The following PRAME variants were observed in gnomAD, a reference collection of about 807,000 sequenced individuals.
PRAME encodes melanoma antigen preferentially expressed in tumors.
A neutral mutation model predicts 32.1 loss-of-function variants in PRAME; 21 were observed. The ratio of observed to expected loss-of-function variants is 0.65; its 90% confidence interval spans 0.46 to 0.94. The LOEUF is 0.94. PRAME is among the 40% of genes least tolerant of loss of function. The pLI is 0.00. For synonymous variants in PRAME, 274 were observed against 251.5 expected, an observed-to-expected ratio of 1.09 and a Z score of -0.85; for missense variants, 651 against 622.3, an observed-to-expected ratio of 1.05 and a Z score of -0.49.
At chr22:22,555,110 T>G (rs747573898) in intron 3 of PRAME, among the ~76,000 whole-genome samples, 1 of 151,942 alleles carries the variant, frequency 6.6e-6, no homozygotes, top group Non-Finnish European at 1.5e-5. Context: ...CAGACATGAA[T>G]TGGGGAGATA....
At chr22:22,557,265 C>T in intron 2 of PRAME, 1 of 239,698 alleles carries the variant, frequency 4.2e-6, no homozygotes, top group South Asian at 6.2e-5. Context: ...GGGGCCGAGT[C>T]CCAGAGCATC....
chr22:22,549,582 C>T (rs534819613), intron 5 of PRAME, 144 bp downstream of exon 5: 1 of 1,066,098 alleles, frequency 9.4e-7, no homozygotes, highest in African/African-American at 1.6e-5. Flanking sequence ...TGCTTGGGGA[C>T]AGTGGTGAAC....
Position 22,547,900 on chromosome 22 carries a change from T to A in PRAME, c.*167A>T, listed in dbSNP as rs184094516. ...GCCTACCCCCAACTTCCCCTTTTTT[T>A]CCTCACTGAACATTTGTCTGAATGT... On this transcript the variant is annotated 3_prime_UTR_variant, in exon 6 of 6. Coordinates refer to ENST00000405655, the MANE Select transcript of PRAME (RefSeq NM_206956.3). 6 of 773,260 alleles carry A rather than the reference T, an allele frequency of 7.8e-6. No individual in the cohort carries two copies. Among genetic ancestry groups the A allele is most frequent in the African/African-American group, 5.2e-5 (3 of 57,806 alleles). 47.9% of individuals were successfully genotyped at this position (773,260 alleles called of 1,614,324 possible).
chr22:22,552,552 A>C (rs555390125), intron 3 of PRAME, among the ~76,000 whole-genome samples: 2 of 151,980 alleles, frequency 1.3e-5, no homozygotes, highest in Non-Finnish European at 1.5e-5. Flanking sequence ...CATACTATAT[A>C]TGCATAAACT....
chr22:22,552,753 A>C, intron 3 of PRAME: 2 of 454,096 alleles, frequency 4.4e-6, no homozygotes, highest in South Asian at 3.2e-5. Flanking sequence ...GCCCGTGGAG[A>C]CCCTGAGGTG....
At chr22:22,548,817 T>A (rs1404535981) in intron 5 of PRAME, among the ~76,000 whole-genome samples, 174 bp from the exon 6 acceptor site, 1 of 151,770 alleles carries the variant, frequency 6.6e-6, no homozygotes, top group Non-Finnish European at 1.5e-5. Flanking sequence ...CCTTTCTCCA[T>A]CATTTGCTGT....
rs779792657 is a variant in PRAME, at chr22:22,550,943, G to A, written c.168C>T (p.Leu56=). ...ELLPRELFPP[L]FMAAFDGRHS... ...GTCTCCCGTCAAAGGCTGCCATGAAGAGTGGCGGGAAGAGCTCCCTGGGCA... is the reference window on the plus strand; with the variant it reads ...GTCTCCCGTCAAAGGCTGCCATGAAAAGTGGCGGGAAGAGCTCCCTGGGCA... Residue 56 remains leucine, a synonymous_variant, in exon 4 of 6, where the codon CTC becomes CTT. Transcript: ENST00000405655. 2 of 1,613,566 alleles carry A rather than the reference G, an allele frequency of 1.2e-6. No homozygotes were observed. Among genetic ancestry groups the A allele is most frequent in the Non-Finnish European group, 1.7e-6 (2 of 1,179,948 alleles).
intron 3 of PRAME, 35 bp downstream of exon 3, chr22:22,556,777 C>T (rs1016978687): frequency 6.2e-7 from 1 of 1,612,396 alleles, no homozygotes. Flanking sequence ...CAGGGCTTCT[C>T]TGAGCACCTC....
intron 1 of PRAME, among the ~76,000 whole-genome samples, chr22:22,558,616 C>T (rs1419694141): frequency 1.5e-5 from 2 of 136,880 alleles, no homozygotes; most frequent in African/African-American, 5.5e-5. Flanking sequence ...GCGGCCTTTC[C>T]CACCAGACAG....
At chr22:22,551,246 G>A (rs994424347) in intron 3 of PRAME, among the ~76,000 whole-genome samples, 157 bp from the exon 4 acceptor site, 6 of 151,854 alleles carry the variant, frequency 4.0e-5, no homozygotes, top group African/African-American at 7.3e-5. Context: ...CTCTGCACTC[G>A]GTGGCCACAA....
In PRAME at chr22:22,548,540, C is replaced by T; in HGVS notation, c.1057G>A (p.Val353Ile). The change falls in exon 6 of 6, where the codon GTC (valine) becomes ATC (isoleucine). Residue 353 changes from valine (V) to isoleucine (I), a missense_variant. Physicochemically the swap from Val to Ile is conservative, Grantham distance 29. Coordinates refer to ENST00000405655, the MANE Select transcript of PRAME (RefSeq NM_206956.3). ...SQSPSVSQLS[V>I]LSLSGVMLTD... ...AGCATGACCCCACTTAGACTCAGGACACTTAGCTGACTGACGCTGGGACTC... is the reference window on the plus strand; with the variant it reads ...AGCATGACCCCACTTAGACTCAGGATACTTAGCTGACTGACGCTGGGACTC... 1.2e-6 allele frequency: 2 copies of T among 1,613,670 alleles called. No individual in the cohort carries two copies. Among genetic ancestry groups the T allele is most frequent in the South Asian group, 2.2e-5 (2 of 91,064 alleles).
chr22:22,552,826 C>T, intron 3 of PRAME: 1 of 470,752 alleles, frequency 2.1e-6, no homozygotes, highest in South Asian at 1.5e-5. Flanking sequence ...AGCTGTGGTG[C>T]AGAAGCCATC....
rs562188565 is a variant in PRAME, at chr22:22,556,957, T to C, written c.-77-48A>G. 37 of 1,259,712 alleles carry C rather than the reference T, an allele frequency of 2.9e-5. No homozygotes were observed. The African/African-American group carries it at 4.6e-4, about 16-fold the overall frequency. 78.0% of individuals were successfully genotyped at this position (1,259,712 alleles called of 1,614,324 possible). On this transcript the variant is annotated intron_variant, in intron 2 of 5. Transcript: ENST00000405655. ...TCCAAAAAGAAGAATACATGTATAA[T>C]ATTTACGAAGCAACGGCCTCCTGTG... is the stretch of plus-strand genomic sequence containing the variant.
chr22:22,552,710 A>G, intron 3 of PRAME: 1 of 310,902 alleles, frequency 3.2e-6, no homozygotes. Context: ...GGAAAGAAAA[A>G]GGAAAACCAT....
rs2062487444 is a variant in PRAME, at chr22:22,550,258, C to T, written c.421G>A (p.Ala141Thr). 7.4e-6 allele frequency: 12 copies of T among 1,613,768 alleles called. No individual in the cohort carries two copies. The highest frequency in any genetic ancestry group is 1.0e-5 in the Non-Finnish European group (12 of 1,179,958). Residue 141 changes from alanine (A) to threonine (T), a missense_variant, in exon 5 of 6, where the codon GCC (alanine) becomes ACC (threonine). Transcript: ENST00000405655. ...GGCTCTGGAAATGAGTACAGACTGG[C>T]CCTGTTTCCAGACCATACAGTCCAG... The part of the protein sequence containing the change: ...DFWTVWSGNR[A>T]SLYSFPEPEA...
intron 3 of PRAME, among the ~76,000 whole-genome samples, chr22:22,551,825 G>A (rs1289327069): frequency 6.6e-6 from 1 of 151,826 alleles, no homozygotes; most frequent in Non-Finnish European, 1.5e-5. Context: ...ACAATATGAT[G>A]CTCTGAAATA....
chr22:22,556,676 AAC>A, intron 3 of PRAME, 134 bp downstream of exon 3: 1 of 1,070,674 alleles, frequency 9.3e-7, no homozygotes, highest in East Asian at 2.4e-5. Flanking sequence ...AATGACCAGA[AAC>A]AATAAAAGCG....
intron 3 of PRAME, chr22:22,555,915 G>A (rs1219919345): frequency 4.3e-6 from 2 of 470,538 alleles, no homozygotes; most frequent in East Asian, 7.0e-5. Flanking sequence ...GGAAGTGTGG[G>A]CTTTTGCGTC....
chr22:22,550,680 A>G lies in PRAME; in HGVS notation c.344+87T>C, dbSNP rs574810433. ...TGGCAACCATCAGAGCCTCTGGCCC[A>G]GCCTTAGGCGCTCCATGCTCCCTGA... On this transcript the variant is annotated intron_variant, in intron 4 of 5. Transcript: ENST00000405655. 8 of 1,412,706 alleles carry G rather than the reference A, an allele frequency of 5.7e-6. No individual in the cohort carries two copies. The South Asian group carries it at 1.1e-4, about 19-fold the overall frequency. 87.5% of individuals were successfully genotyped at this position (1,412,706 alleles called of 1,614,324 possible). A position where few individuals can be genotyped will look rare whatever the true frequency, so the allele number is the denominator to read the frequency against.
Sources: gnomAD v4.1 joint callset for allele counts (sites outside exome capture counted in the v4.1 genomes callset) on GRCh38, gnomAD v4.1.1 for gene constraint, MANE v1.5 for transcripts, NCBI Gene and HGNC (gene_info 2026-07-23, HGNC 2026-07-21) for gene names.